The following INO80C variants were observed in gnomAD, a reference collection of about 807,000 sequenced individuals.
INO80C encodes the protein IES6 homolog.
In INO80C, 17 loss-of-function variants were observed where a neutral mutation model predicts 17.7. The observed-to-expected ratio is 0.96, with a 90% CI of 0.66 to 1.44. The LOEUF (loss-of-function observed/expected upper bound fraction) is 1.44, where lower values mean the gene tolerates loss of function less well. INO80C is among the 40% of genes most tolerant of loss of function. The probability of loss-of-function intolerance (pLI) is 0.00; values close to 1 mark genes in which losing one functional copy is unlikely to be tolerated. For missense variants in INO80C, 244 were observed against 245.0 expected (o/e 1.00, Z 0.03); for synonymous variants, 96 against 95.8 (o/e 1.00, Z -0.01).
rs751645003 is a variant in INO80C, at chr18:35,497,888, T to G, written c.-14A>C. The stretch of plus-strand genomic sequence containing the variant: ...TTGCGCCGCCATCGCACTCCGAGTC[T>G]TCCCCTGGTCCCCCCACCTTTTTCC... On this transcript the variant is annotated 5_prime_UTR_variant, in exon 1 of 5. Coordinates refer to ENST00000334598, the MANE Select transcript of INO80C (RefSeq NM_194281.4). The G allele has an allele frequency of 1.1e-5, 17 of 1,543,786 alleles. No homozygotes were observed. Among genetic ancestry groups the G allele is most frequent in the Admixed American group, 5.9e-5 (3 of 51,200 alleles).
chr18:35,472,833 T>C (rs1218383297), intron 4 of INO80C, among the ~76,000 whole-genome samples: 1 of 152,230 alleles, frequency 6.6e-6, no homozygotes, highest in Non-Finnish European at 1.5e-5. Context: ...AAGCTGAATA[T>C]CTACTTATTG....
chr18:35,492,690 A>G (rs1198350097), intron 1 of INO80C, among the ~76,000 whole-genome samples: 13 of 152,228 alleles, frequency 8.5e-5, no homozygotes, highest in Middle Eastern at 3.2e-3. Flanking sequence ...TCAGTCCAGC[A>G]TTATCTGGCT....
At chr18:35,496,476 C>G (rs539251146) in intron 1 of INO80C, among the ~76,000 whole-genome samples, 32 of 152,334 alleles carry the variant, frequency 2.1e-4, no homozygotes, top group Admixed American at 1.4e-3. Flanking sequence ...AGGAAAATGT[C>G]ACCTGCTCTT....
chr18:35,475,505 C>CA (rs1233108683), intron 4 of INO80C, among the ~76,000 whole-genome samples: 2 of 151,934 alleles, frequency 1.3e-5, no homozygotes, highest in African/African-American at 2.4e-5. Flanking sequence ...CCCATCTCTA[C>CA]AAAAAACACA....
intron 1 of INO80C, chr18:35,483,411 T>C (rs980259269): frequency 3.9e-5 from 6 of 152,198 alleles, no homozygotes; most frequent in African/African-American, 1.2e-4. Context: ...ATATGATTGA[T>C]AGTTTAGACA....
intron 4 of INO80C, among the ~76,000 whole-genome samples, chr18:35,471,355 A>G (rs942056381): frequency 2.0e-5 from 3 of 152,208 alleles, no homozygotes; most frequent in Non-Finnish European, 4.4e-5. Flanking sequence ...GTAAACACAC[A>G]AGAGAAATAA....
Position 35,479,150 on chromosome 18 carries a change from C to T in INO80C, c.379+150G>A, listed in dbSNP as rs960535565. 6.8e-6 allele frequency: 4 copies of T among 590,000 alleles called. No individual in the cohort carries two copies. In the Admixed American group the frequency reaches 9.5e-5, roughly 14 times the overall value. 36.5% of individuals were successfully genotyped at this position (590,000 alleles called of 1,614,324 possible). Reference sequence around the variant, plus strand: ...AGATACAGTTATGAGAAAATACACACATAATCTGCCCAGACTGATGCCACT... The same window carrying T: ...AGATACAGTTATGAGAAAATACACATATAATCTGCCCAGACTGATGCCACT... On this transcript the variant is annotated intron_variant, in intron 3 of 4. Coordinates refer to ENST00000334598, the MANE Select transcript of INO80C (RefSeq NM_194281.4).
chr18:35,482,527 T>C lies in INO80C; in HGVS notation c.157-1964A>G, dbSNP rs181851622. Among the ~76,000 whole-genome samples the C allele has an allele frequency of 5.3e-3, 810 of 152,306 alleles. 6 individuals carry two copies. The highest frequency in any genetic ancestry group is 0.019 in the African/African-American group (779 of 41,552). ...TGACCCCTCTCCAGGTCTCTCCACC[T>C]GAGCCGGGGTTCCAGCCAAGGCCCT... On this transcript the variant is annotated intron_variant, in intron 1 of 4. Transcript: ENST00000334598.
chr18:35,488,460 C>T (rs2045899567), intron 1 of INO80C, among the ~76,000 whole-genome samples: 1 of 150,984 alleles, frequency 6.6e-6, no homozygotes, highest in Non-Finnish European at 1.5e-5. Context: ...GGAGCTTGCA[C>T]TCTCTGCAGC....
chr18:35,497,542 C>T, intron 1 of INO80C, 177 bp downstream of exon 1: 1 of 1,407,376 alleles, frequency 7.1e-7, no homozygotes, highest in South Asian at 1.5e-5. Flanking sequence ...GCGTTGTAAG[C>T]CCATGTGTCC....
chr18:35,473,052 C>G (rs2045689182), intron 4 of INO80C, among the ~76,000 whole-genome samples: 2 of 152,308 alleles, frequency 1.3e-5, no homozygotes, highest in South Asian at 4.1e-4. Flanking sequence ...ATGATTCTCC[C>G]TCCTCCTAAT....
chr18:35,479,379 C>T lies in INO80C; in HGVS notation c.300G>A (p.Lys100=). 6.2e-7 allele frequency: 1 copy of T among 1,614,012 alleles called. No homozygotes were observed. Among genetic ancestry groups the T allele is most frequent in the Non-Finnish European group, 8.5e-7 (1 of 1,179,968 alleles). Residue 100 remains lysine (K), a synonymous_variant, in exon 3 of 5, where the codon AAG becomes AAA. Transcript: ENST00000334598. ...TCAGGTTCTTCCAGGTTCTGTTCTT[C>T]TTGCCAGCTACTGCGCCACCGTGGC... ...HSGHGGAVAG[K]KNRTWKNLKQ...
At chr18:35,469,853 T>A (rs887953513) in intron 4 of INO80C, among the ~76,000 whole-genome samples, 1 of 152,152 alleles carries the variant, frequency 6.6e-6, no homozygotes, top group Non-Finnish European at 1.5e-5. Context: ...GAATGACTAA[T>A]GAATGAATAA....
chr18:35,476,873 A>G (rs537987056), intron 4 of INO80C, among the ~76,000 whole-genome samples: 1 of 152,298 alleles, frequency 6.6e-6, no homozygotes, highest in South Asian at 2.1e-4. Context: ...CTCCAAAAGA[A>G]AAAGAAAAAG....
At chr18:35,481,938 C>A (rs781209654) in intron 1 of INO80C, among the ~76,000 whole-genome samples, 4 of 152,174 alleles carry the variant, frequency 2.6e-5, no homozygotes, top group Non-Finnish European at 5.9e-5. Flanking sequence ...GTGGATCAGT[C>A]TGTTTCAGTG....
At chr18:35,491,654 C>CAG (rs1173602317) in intron 1 of INO80C, among the ~76,000 whole-genome samples, 1 of 152,138 alleles carries the variant, frequency 6.6e-6, no homozygotes, top group Non-Finnish European at 1.5e-5. Context: ...GCTGAGACTC[C>CAG]TGTGTCTACT....
intron 1 of INO80C, among the ~76,000 whole-genome samples, chr18:35,493,056 C>G (rs1213956496): frequency 6.6e-6 from 1 of 152,158 alleles, no homozygotes; most frequent in East Asian, 1.9e-4. Context: ...GACGGCATGC[C>G]TGGGTTCGAA....
intron 1 of INO80C, among the ~76,000 whole-genome samples, chr18:35,490,094 GT>G (rs1354260860): frequency 4.6e-5 from 7 of 152,176 alleles, no homozygotes; most frequent in South Asian, 2.1e-4. Context: ...GAGAAGGAAG[GT>G]GGAGCTGGCA....
At chr18:35,479,050 C>G (rs548461202) in intron 3 of INO80C, 1 of 342,406 alleles carries the variant, frequency 2.9e-6, no homozygotes, top group African/African-American at 2.1e-5. Context: ...AGTAGAAACA[C>G]CAATATTATC....
Sources: allele counts gnomAD v4.1 joint callset (sites outside exome capture counted in the v4.1 genomes callset), GRCh38; gene constraint gnomAD v4.1.1; transcripts MANE v1.5; gene names NCBI Gene and HGNC (gene_info 2026-07-23, HGNC 2026-07-21).